Variants in TMEM229B observed in about 807,000 individuals in gnomAD.
TMEM229B encodes the protein chromosome 14 open reading frame 83.
TMEM229B carries 6 observed loss-of-function variants against 13.7 expected under a neutral mutation model. The observed-to-expected ratio is 0.44, with a 90% CI of 0.24 to 0.86. The LOEUF is 0.86. Ranked by LOEUF, TMEM229B falls within the 40% of genes least tolerant of loss-of-function variation. The pLI, the probability that TMEM229B is intolerant of heterozygous loss-of-function variation, is 0.23. For missense variants in TMEM229B, 170 were observed against 236.0 expected (o/e 0.72, Z 1.83); for synonymous variants, 107 against 102.1 (o/e 1.05, Z -0.29).
At chr14:67,493,322 C>T (rs1009789698), upstream of TMEM229B, among the ~76,000 whole-genome samples, 6 of 152,172 alleles carry the variant, frequency 3.9e-5, no homozygotes, top group East Asian at 1.9e-4. Flanking sequence ...TTGTCTTTCC[C>T]GCCAAGTGCC....
chr14:67,512,101 A>T (rs2033046851), intron 1 of TMEM229B, among the ~76,000 whole-genome samples: 1 of 152,198 alleles, frequency 6.6e-6, no homozygotes, highest in South Asian at 2.1e-4. Flanking sequence ...AGTATAACCT[A>T]TGGATCTACT....
At chr14:67,529,780 AGTAACCTCCTGACT>A (rs2033418971) in intron 1 of TMEM229B, among the ~76,000 whole-genome samples, 1 of 152,180 alleles carries the variant, frequency 6.6e-6, no homozygotes, top group South Asian at 2.1e-4. Context: ...CAGCAGTAGA[AGTAACCTCCTGACT>A]TCTTTGTGAC....
intron 2 of TMEM229B, among the ~76,000 whole-genome samples, chr14:67,477,088 C>G (rs529708328): frequency 2.0e-5 from 3 of 151,894 alleles, no homozygotes; most frequent in Admixed American, 1.3e-4. Context: ...ACCGCTTGAA[C>G]CTGGGAGGTG....
intron 1 of TMEM229B, among the ~76,000 whole-genome samples, chr14:67,504,073 G>C (rs548647846): frequency 6.6e-6 from 1 of 151,408 alleles, no homozygotes; most frequent in African/African-American, 2.4e-5. Flanking sequence ...GAGTGCAGTC[G>C]TGCGATCTCG....
chr14:67,507,096 G>A (rs574052142), intron 1 of TMEM229B, among the ~76,000 whole-genome samples: 2 of 152,290 alleles, frequency 1.3e-5, no homozygotes, highest in East Asian at 3.9e-4. Flanking sequence ...GAGTTCCTGG[G>A]CTGAGTATAT....
At chr14:67,530,227 C>A (rs1289644291) in intron 1 of TMEM229B, among the ~76,000 whole-genome samples, 1 of 152,178 alleles carries the variant, frequency 6.6e-6, no homozygotes, top group East Asian at 1.9e-4. Context: ...TTGCTGCATG[C>A]CAGACAACAT....
upstream of TMEM229B, among the ~76,000 whole-genome samples, chr14:67,517,796 G>A (rs575045501): frequency 1.3e-4 from 20 of 152,174 alleles, no homozygotes; most frequent in Non-Finnish European, 2.6e-4. Context: ...GGAAATTAAG[G>A]CTCAGAGAGG....
intron 1 of TMEM229B, among the ~76,000 whole-genome samples, chr14:67,487,658 C>T (rs2031958049): frequency 1.3e-5 from 2 of 152,164 alleles, no homozygotes; most frequent in Admixed American, 6.5e-5. Context: ...TTTCTACGTA[C>T]TATTCTACCT....
intron 1 of TMEM229B, among the ~76,000 whole-genome samples, chr14:67,512,112 C>T (rs1243571572): frequency 2.0e-5 from 3 of 152,156 alleles, no homozygotes; most frequent in Non-Finnish European, 2.9e-5. Flanking sequence ...TGGATCTACT[C>T]GGGTACTTGA....
chr14:67,492,841 T>A (rs929104595), upstream of TMEM229B, among the ~76,000 whole-genome samples: 1 of 152,214 alleles, frequency 6.6e-6, no homozygotes, highest in African/African-American at 2.4e-5. Flanking sequence ...TACTGTACCA[T>A]GTGTGAACAA....
chr14:67,523,944 C>CACAAAGAGCATTTCCAGTGAT (rs1281058679), intron 1 of TMEM229B, among the ~76,000 whole-genome samples: 1 of 152,080 alleles, frequency 6.6e-6, no homozygotes, highest in Non-Finnish European at 1.5e-5. Context: ...AGAATAGTGA[C>CACAAAGAGCATTTCCAGTGAT]ACAAAGAGGG....
At chr14:67,532,345 T>A (rs1431100743) in intron 1 of TMEM229B, among the ~76,000 whole-genome samples, 1 of 152,328 alleles carries the variant, frequency 6.6e-6, no homozygotes, top group East Asian at 1.9e-4. Flanking sequence ...ACAGAGAGCC[T>A]GCAGGGTTGA....
intron 1 of TMEM229B, among the ~76,000 whole-genome samples, chr14:67,505,306 C>T (rs533670802): frequency 6.6e-6 from 1 of 152,222 alleles, no homozygotes; most frequent in African/African-American, 2.4e-5. Flanking sequence ...AACTGGCCCT[C>T]CTGTCAAGCT....
intron 1 of TMEM229B, among the ~76,000 whole-genome samples, chr14:67,525,466 C>T (rs910156146): frequency 1.3e-5 from 2 of 152,150 alleles, no homozygotes; most frequent in African/African-American, 4.8e-5. Context: ...ATCCTTTTCC[C>T]CTCTTTTATT....
chr14:67,516,917 G>A (rs75146061), upstream of TMEM229B, among the ~76,000 whole-genome samples: 1,727 of 152,298 alleles, frequency 0.011, 10 homozygotes, highest in Non-Finnish European at 0.018. Context: ...TTCCCCCTGA[G>A]TTTGTTTCCT....
chr14:67,531,071 T>G (rs2033436205), intron 1 of TMEM229B, among the ~76,000 whole-genome samples: 1 of 152,192 alleles, frequency 6.6e-6, no homozygotes, highest in Non-Finnish European at 1.5e-5. Flanking sequence ...CATCTCTCTG[T>G]TCCATCCTCC....
At chr14:67,533,036 G>A (rs1030963448) in intron 1 of TMEM229B, among the ~76,000 whole-genome samples, 2 of 152,096 alleles carry the variant, frequency 1.3e-5, no homozygotes, top group Non-Finnish European at 2.9e-5. Context: ...CCAGCGGTGC[G>A]GAGAAGTGGG....
At chr14:67,505,823 C>T (rs1292605620) in intron 1 of TMEM229B, among the ~76,000 whole-genome samples, 1 of 152,000 alleles carries the variant, frequency 6.6e-6, no homozygotes, top group Non-Finnish European at 1.5e-5. Flanking sequence ...TCTCCTGCAT[C>T]AGCCTCCCTG....
chr14:67,502,337 A>G (rs1430707061), intron 1 of TMEM229B, among the ~76,000 whole-genome samples: 3 of 151,874 alleles, frequency 2.0e-5, no homozygotes, highest in African/African-American at 7.3e-5. Flanking sequence ...TCTCAAAAAA[A>G]AGAAAAGAAA....
Sources: gnomAD v4.1 joint callset for allele counts (sites outside exome capture counted in the v4.1 genomes callset) on GRCh38, gnomAD v4.1.1 for gene constraint, MANE v1.5 for transcripts, NCBI Gene and HGNC (gene_info 2026-07-23, HGNC 2026-07-21) for gene names.